Variants in NDUFA13 observed in about 807,000 individuals in gnomAD.
NDUFA13 encodes the protein NADH:ubiquinone oxidoreductase subunit A13.
In NDUFA13, 16 loss-of-function variants were observed where a neutral mutation model predicts 17.0. The ratio of observed to expected loss-of-function variants is 0.94; its 90% CI spans 0.64 to 1.43. The LOEUF (loss-of-function observed/expected upper bound fraction) is 1.43, where lower values mean the gene tolerates loss of function less well. Among genes scored for constraint, NDUFA13 ranks in the 40% most tolerant of loss-of-function variants. The probability of loss-of-function intolerance (pLI) is 0.00; values close to 1 mark genes in which losing one functional copy is unlikely to be tolerated. For synonymous variants in NDUFA13, 87 were observed against 78.4 expected, an observed-to-expected ratio of 1.11 and a Z score of -0.58; for missense variants, 228 against 206.7, an observed-to-expected ratio of 1.10 and a Z score of -0.63.
intron 1 of NDUFA13, among the ~76,000 whole-genome samples, chr19:19,520,322 C>T (rs752857091): frequency 2.0e-5 from 3 of 152,158 alleles, no homozygotes; most frequent in Non-Finnish European, 4.4e-5. Context: ...CCACACAACT[C>T]ACCCATTTAA....
chr19:19,526,047 A>G (rs2061098021), intron 1 of NDUFA13, 135 bp from the exon 2 acceptor site: 2 of 1,526,412 alleles, frequency 1.3e-6, no homozygotes, highest in Admixed American at 2.0e-5. Flanking sequence ...ATGGGGGCAG[A>G]GGTGTCACAG....
intron 2 of NDUFA13, 161 bp downstream of exon 2, chr19:19,526,421 TC>T (rs2061099967): frequency 2.6e-6 from 2 of 758,440 alleles, no homozygotes; most frequent in Non-Finnish European, 4.5e-6. Flanking sequence ...ACCCAGCACT[TC>T]CACTTCTAGG....
intron 1 of NDUFA13, among the ~76,000 whole-genome samples, chr19:19,516,928 C>G (rs1266550286): frequency 6.6e-6 from 1 of 152,080 alleles, no homozygotes; most frequent in Admixed American, 6.6e-5. Context: ...GCTGGGATTA[C>G]AGGCATGTGC....
At chr19:19,521,353 G>A (rs1443599694) in intron 1 of NDUFA13, among the ~76,000 whole-genome samples, 4 of 152,242 alleles carry the variant, frequency 2.6e-5, no homozygotes, top group African/African-American at 4.8e-5. Flanking sequence ...TGATGATGTC[G>A]AACATTTTTT....
intron 1 of NDUFA13, among the ~76,000 whole-genome samples, chr19:19,522,636 G>A (rs2061083394): frequency 6.6e-6 from 1 of 151,712 alleles, no homozygotes; most frequent in Non-Finnish European, 1.5e-5. Context: ...CAGCCACCAC[G>A]CCCGGCTAAT....
At position 19,519,971 on chromosome 19, in the gene NDUFA13, CTT is replaced by C. The variant is rs397963977; in HGVS notation, c.94+3659_94+3660del. ...GCTGGCTCAGGCTGCTTTTTGTTCTCTTTTTTTTTTTTTTTTTTTTTGAGACA... is the reference window on the plus strand; with the variant it reads ...GCTGGCTCAGGCTGCTTTTTGTTCTCTTTTTTTTTTTTTTTTTTTGAGACA... On this transcript the variant is annotated intron_variant, in intron 1 of 4. Coordinates refer to ENST00000507754, the MANE Select transcript of NDUFA13 (RefSeq NM_015965.7). 2.1e-4 allele frequency among the ~76,000 whole-genome samples: 25 copies of C among 120,260 alleles called. 1 individual carries two copies. Among genetic ancestry groups the C allele is most frequent in the Admixed American group, 1.5e-3 (16 of 11,018 alleles). 78.9% of individuals were successfully genotyped at this position (120,260 alleles called of 152,430 possible).
Position 19,528,120 on chromosome 19 carries a change from C to T in NDUFA13, c.429C>T (p.Tyr143=), listed in dbSNP as rs1171368131. ...ALHASHGFMW[Y]T ...ATGCCAGCCACGGCTTCATGTGGTA[C>T]ACGTAGGCCCTGTGCCCTCCGGCCA... Residue 143 remains tyrosine, a synonymous_variant, in exon 5 of 5, where the codon TAC becomes TAT. Transcript: ENST00000507754. 1 of 1,611,644 alleles carries T rather than the reference C, an allele frequency of 6.2e-7. No homozygotes were observed. Among genetic ancestry groups the T allele is most frequent in the East Asian group, 2.2e-5 (1 of 44,882 alleles).
At position 19,522,166 on chromosome 19, in the gene NDUFA13, G is replaced by A. The variant is rs141694039; in HGVS notation, c.95-4016G>A. ...CTAAAAATACAAAAATTAGCTGGGC[G>A]CGGTGGCGGGCACCTGTAGTCCCAG... On this transcript the variant is annotated intron_variant, in intron 1 of 4. Transcript: ENST00000507754. Among the ~76,000 whole-genome samples, 741 of 151,770 alleles carry A rather than the reference G, an allele frequency of 4.9e-3. 6 individuals carry two copies. Among genetic ancestry groups the A allele is most frequent in the South Asian group, 0.041 (196 of 4,794 alleles).
intron 1 of NDUFA13, among the ~76,000 whole-genome samples, chr19:19,525,704 G>A (rs1025382481): frequency 2.6e-5 from 4 of 152,138 alleles, no homozygotes; most frequent in Non-Finnish European, 5.9e-5. Flanking sequence ...TTCCTGGGGT[G>A]CAGGGCAGGG....
At chr19:19,517,279 C>T (rs1227051442) in intron 1 of NDUFA13, among the ~76,000 whole-genome samples, 1 of 150,814 alleles carries the variant, frequency 6.6e-6, no homozygotes, top group Admixed American at 6.6e-5. Flanking sequence ...GTTCTGTTGC[C>T]TGGGCTGGAG....
chr19:19,516,725 C>G (rs1439153082), intron 1 of NDUFA13, among the ~76,000 whole-genome samples: 1 of 152,234 alleles, frequency 6.6e-6, no homozygotes. Context: ...ATGTTCTATG[C>G]AGTGGTTCCC....
chr19:19,521,592 TTTTG>T lies in NDUFA13; in HGVS notation c.95-4579_95-4576del, dbSNP rs1273685718. Among the ~76,000 whole-genome samples, 89 of 152,392 alleles carry T rather than the reference TTTTG, an allele frequency of 5.8e-4. No individual in the cohort carries two copies. In the East Asian group the frequency reaches 0.015, roughly 25 times the overall value. On this transcript the variant is annotated intron_variant, in intron 1 of 4. Coordinates refer to ENST00000507754, the MANE Select transcript of NDUFA13 (RefSeq NM_015965.7). ...TCCTTTATATATTTTTAGTAGGGTT[TTTTG>T]TTTGTTTGTTCGTTTGTTTGTTTTG... is the stretch of plus-strand genomic sequence containing the variant.
chr19:19,519,146 C>T (rs576915631), intron 1 of NDUFA13, among the ~76,000 whole-genome samples: 24 of 151,518 alleles, frequency 1.6e-4, no homozygotes, highest in Non-Finnish European at 3.4e-4. Flanking sequence ...CTGCCTCAGC[C>T]GCCCAAAGTG....
At chr19:19,526,854 C>T (rs1465571103) in intron 2 of NDUFA13, 2 of 292,248 alleles carry the variant, frequency 6.8e-6, no homozygotes, top group African/African-American at 2.2e-5. Context: ...TGCCAGAAAG[C>T]AGGGAGAAGA....
chr19:19,523,019 T>C (rs1315999530), intron 1 of NDUFA13, among the ~76,000 whole-genome samples: 1 of 152,160 alleles, frequency 6.6e-6, no homozygotes, highest in Non-Finnish European at 1.5e-5. Context: ...CACTGTCTTG[T>C]ACACACAGCT....
At chr19:19,520,580 A>G (rs1228068486) in intron 1 of NDUFA13, among the ~76,000 whole-genome samples, 1 of 152,242 alleles carries the variant, frequency 6.6e-6, no homozygotes. Flanking sequence ...CAGTGAGCCA[A>G]GATCTTGCCT....
chr19:19,517,089 A>G (rs2144635329), intron 1 of NDUFA13, among the ~76,000 whole-genome samples: 1 of 151,864 alleles, frequency 6.6e-6, no homozygotes. Flanking sequence ...GCCCGGCGTA[A>G]AGTTTTCAAA....
At chr19:19,527,172 C>T in intron 2 of NDUFA13, 109 bp from the exon 3 acceptor site, 1 of 1,139,008 alleles carries the variant, frequency 8.8e-7, no homozygotes, top group South Asian at 1.3e-5. Context: ...GCCTCCCCGC[C>T]CCCCTCCGCC....
chr19:19,527,310 G>C lies in NDUFA13; in HGVS notation c.203G>C (p.Arg68Pro). 6.2e-7 allele frequency: 1 copy of C among 1,613,928 alleles called. No homozygotes were observed. The highest frequency in any genetic ancestry group is 8.5e-7 in the Non-Finnish European group (1 of 1,180,012). ...RRLQIEDFEA[R>P]IALLPLLQAE... ...CTACAAATCGAGGACTTCGAGGCTC[G>C]CATCGCGCTGTTGCCACTGTTACAG... Residue 68 changes from arginine to proline, a missense_variant, in exon 3 of 5, where the codon CGC (arginine) becomes CCC (proline). Arg to Pro is a moderately radical substitution (Grantham distance 103). Coordinates refer to ENST00000507754, the MANE Select transcript of NDUFA13 (RefSeq NM_015965.7).
Sources: allele counts gnomAD v4.1 joint callset (sites outside exome capture counted in the v4.1 genomes callset), GRCh38; gene constraint gnomAD v4.1.1; transcripts MANE v1.5; gene names NCBI Gene and HGNC (gene_info 2026-07-23, HGNC 2026-07-21).